SPEN: variants seen among roughly 807,000 people sequenced by gnomAD.
The protein encoded by SPEN is spen family transcriptional repressor.
A neutral mutation model predicts 269.9 loss-of-function variants in SPEN; 18 were observed. The observed-to-expected ratio is 0.07, with a 90% confidence interval of 0.05 to 0.10. The LOEUF (loss-of-function observed/expected upper bound fraction) is 0.10, where lower values mean the gene tolerates loss of function less well. Ranked by LOEUF, SPEN falls within the 10% of genes least tolerant of loss-of-function variation. The pLI is 1.00. For synonymous variants in SPEN, 1,726 were observed against 1,765.7 expected (o/e 0.98, Z 0.56); for missense variants, 3,822 against 4,631.2 (o/e 0.83, Z 5.07).
At position 15,929,834 on chromosome 1, in the gene SPEN, T is replaced by C. The variant is rs1490440445; in HGVS notation, c.3594T>C (p.Asp1198=). 4 of 1,613,946 alleles carry C rather than the reference T, an allele frequency of 2.5e-6. No homozygotes were observed. The change falls in exon 11 of 15, where the codon GAT becomes GAC. Residue 1198 remains aspartate, a synonymous_variant. Coordinates refer to ENST00000375759, the MANE Select transcript of SPEN (RefSeq NM_015001.3). The surrounding 1 kb of genome is among the most constrained non-coding windows in gnomAD (Gnocchi z 5.8). The part of the protein sequence containing the change: ...KSEKFGSPKK[D]VDEYERRSLV... Reference sequence around the variant, plus strand: ...AGAAGTTTGGCAGTCCTAAAAAAGATGTAGATGAATATGAAAGACGTAGCC... The same window carrying C: ...AGAAGTTTGGCAGTCCTAAAAAAGACGTAGATGAATATGAAAGACGTAGCC...
Position 15,932,119 on chromosome 1 carries a change from C to G in SPEN, c.5879C>G (p.Ala1960Gly). ...RGRPPKTRRR[A>G]DEEEENEAKE... ...AGGCCTCCAAAGACACGCCGGCGAG[C>G]CGATGAAGAGGAGGAGAACGAGGCC... The change falls in exon 11 of 15, where the codon GCC (alanine) becomes GGC (glycine). Residue 1960 changes from alanine to glycine, a missense_variant. By Grantham distance (60) the Ala-to-Gly change is moderately conservative. This residue lies in a region of SPEN where 533 missense variants were observed against 618.8 expected (regional missense o/e 0.86). Coordinates refer to ENST00000375759, the MANE Select transcript of SPEN (RefSeq NM_015001.3). This position sits in a 1 kb window ranked among gnomAD's most constrained non-coding sequence, Gnocchi z 4.2. 1 of 1,613,856 alleles carries G rather than the reference C, an allele frequency of 6.2e-7. No individual in the cohort carries two copies. Among genetic ancestry groups the G allele is most frequent in the Non-Finnish European group, 8.5e-7 (1 of 1,179,964 alleles).
chr1:15,926,222 C>G (rs935085246), intron 10 of SPEN, among the ~76,000 whole-genome samples: 5 of 152,044 alleles, frequency 3.3e-5, no homozygotes, highest in African/African-American at 1.2e-4. Flanking sequence ...ACAGTGAAAC[C>G]TGTCTCTACT....
At chr1:15,914,083 G>C (rs749651257) in intron 5 of SPEN, among the ~76,000 whole-genome samples, 1 of 152,150 alleles carries the variant, frequency 6.6e-6, no homozygotes, top group Non-Finnish European at 1.5e-5. Context: ...GTTCCTTTGA[G>C]ATATGCAGAA....
intron 3 of SPEN, among the ~76,000 whole-genome samples, chr1:15,904,468 A>AAAAAAAAAAAAAAAAAG: frequency 6.7e-6 from 1 of 149,782 alleles, no homozygotes; most frequent in Non-Finnish European, 1.5e-5. Flanking sequence ...AAAAAAAAAA[A>AAAAAAAAAAAAAAAAAG]AAAAAAAAAG....
intron 5 of SPEN, among the ~76,000 whole-genome samples, chr1:15,914,163 C>T (rs189539174): frequency 2.6e-5 from 4 of 152,160 alleles, no homozygotes; most frequent in African/African-American, 9.7e-5. Context: ...GAAAGTACAT[C>T]ATAGTCTGAT....
At chr1:15,924,284 A>G (rs1023071905) in intron 10 of SPEN, among the ~76,000 whole-genome samples, 7 of 152,176 alleles carry the variant, frequency 4.6e-5, no homozygotes, top group Middle Eastern at 3.2e-3. Flanking sequence ...AAATGCTTAC[A>G]AGGAATTCTT....
At chr1:15,871,684 TA>T (rs1032652598) in intron 1 of SPEN, among the ~76,000 whole-genome samples, 2 of 152,126 alleles carry the variant, frequency 1.3e-5, no homozygotes, top group East Asian at 1.9e-4. Flanking sequence ...AAAATTACAT[TA>T]AAAAAATTAG....
chr1:15,854,518 G>A (rs189834254), intron 1 of SPEN, among the ~76,000 whole-genome samples: 154 of 151,776 alleles, frequency 1.0e-3, no homozygotes, highest in African/African-American at 3.5e-3. Flanking sequence ...ACGGAGTTTC[G>A]CTCCTGTTGC....
At chr1:15,936,358 G>A in intron 11 of SPEN, 92 bp downstream of exon 11, 1 of 1,432,238 alleles carries the variant, frequency 7.0e-7, no homozygotes, top group East Asian at 2.5e-5. Context: ...AAGAAATCAG[G>A]GGCCAGGTGT....
At chr1:15,921,065 C>G (rs1385091888) in intron 9 of SPEN, 82 bp downstream of exon 9, 1 of 802,518 alleles carries the variant, frequency 1.2e-6, no homozygotes, top group Non-Finnish European at 1.9e-6. Context: ...GTGGCTCACG[C>G]CTGTAATCCC....
intron 3 of SPEN, among the ~76,000 whole-genome samples, chr1:15,906,845 T>C (rs2070962354): frequency 6.8e-6 from 1 of 146,788 alleles, no homozygotes; most frequent in African/African-American, 2.6e-5. Context: ...GGTATGACCA[T>C]GGCTCACTGC....
At chr1:15,879,197 T>C (rs2070663437) in intron 3 of SPEN, among the ~76,000 whole-genome samples, 1 of 151,552 alleles carries the variant, frequency 6.6e-6, no homozygotes, top group Admixed American at 6.6e-5. Flanking sequence ...AAAAATTATC[T>C]GGAGGTGGTG....
chr1:15,848,008 G>C lies in SPEN; in HGVS notation c.-60G>C. On this transcript the variant is annotated 5_prime_UTR_variant, in exon 1 of 15. Transcript: ENST00000375759. This position sits in a 1 kb window ranked among gnomAD's most constrained non-coding sequence, Gnocchi z 5.1. ...CGGCACCCGCCTCCCGGCGCTGACG[G>C]TCTCGTACGAAGCCGGCGAGGGGGA... 8.2e-7 allele frequency: 1 copy of C among 1,224,030 alleles called. No homozygotes were observed. Among genetic ancestry groups the C allele is most frequent in the Non-Finnish European group, 1.1e-6 (1 of 927,600 alleles). The allele number at this position is 1,224,030 out of a possible 1,614,324, so 75.8% of individuals were successfully genotyped here.
chr1:15,856,902 A>G (rs1467921020), intron 1 of SPEN, among the ~76,000 whole-genome samples: 1 of 152,068 alleles, frequency 6.6e-6, no homozygotes, highest in Non-Finnish European at 1.5e-5. Flanking sequence ...GTAAAGAAGC[A>G]TATATATTAC....
chr1:15,879,338 T>C (rs2070664647), intron 3 of SPEN, among the ~76,000 whole-genome samples: 1 of 152,078 alleles, frequency 6.6e-6, no homozygotes, highest in South Asian at 2.1e-4. Context: ...TATACTTTGA[T>C]GGGAGTATAA....
intron 3 of SPEN, among the ~76,000 whole-genome samples, chr1:15,893,128 T>A (rs2070805938): frequency 6.6e-6 from 1 of 152,162 alleles, no homozygotes; most frequent in African/African-American, 2.4e-5. Context: ...AAAAACACTT[T>A]CATCTGATGA....
intron 1 of SPEN, among the ~76,000 whole-genome samples, chr1:15,852,422 T>C (rs35340817): frequency 0.18 from 27,456 of 152,018 alleles, 3,137 homozygotes; most frequent in South Asian, 0.28. Context: ...CATTAAAAAT[T>C]ACACAGAATA....
At position 15,907,919 on chromosome 1, in the gene SPEN, CTG is replaced by C. The variant is rs766217564; in HGVS notation, c.882-1398_882-1397del. On this transcript the variant is annotated intron_variant, in intron 3 of 14. Transcript: ENST00000375759. ...TAAATGTATTTTTTTCTTAATTTGA[CTG>C]TGTAAGTAGCATTTCCTTCTTGTCC... 5.9e-4 allele frequency among the ~76,000 whole-genome samples: 90 copies of C among 152,178 alleles called. 1 individual carries two copies. Among genetic ancestry groups the C allele is most frequent in the Non-Finnish European group, 1.1e-3 (73 of 68,006 alleles).
At chr1:15,877,068 G>A (rs1225102470) in intron 3 of SPEN, among the ~76,000 whole-genome samples, 3 of 152,088 alleles carry the variant, frequency 2.0e-5, no homozygotes, top group South Asian at 4.1e-4. Context: ...AAGCTGTTTG[G>A]TTAAATATGT....
Sources: gnomAD v4.1 joint callset for allele counts (sites outside exome capture counted in the v4.1 genomes callset) on GRCh38, gnomAD v4.1.1 for gene constraint, gnomAD v4.1.1 regional missense constraint, Gnocchi (gnomAD v3.1) non-coding constraint, MANE v1.5 for transcripts, NCBI Gene and HGNC (gene_info 2026-07-23, HGNC 2026-07-21) for gene names.